Variants in NAALADL2 observed in about 807,000 individuals in gnomAD.
NAALADL2 encodes the protein N-acetylated alpha-linked acidic dipeptidase like 2, also known as inactive N-acetylated-alpha-linked acidic dipeptidase-like protein 2.
A neutral mutation model predicts 87.2 loss-of-function variants in NAALADL2; 76 were observed. The observed-to-expected ratio is 0.87, with a 90% confidence interval of 0.72 to 1.05. The LOEUF (loss-of-function observed/expected upper bound fraction) is 1.05, where lower values mean the gene tolerates loss of function less well. Ranked by LOEUF, NAALADL2 falls within the 50% of genes least tolerant of loss-of-function variation. The probability of loss-of-function intolerance (pLI) is 0.00; values close to 1 mark genes in which losing one functional copy is unlikely to be tolerated. For synonymous variants in NAALADL2, 354 were observed against 331.0 expected (o/e 1.07, Z -0.75); for missense variants, 1,089 against 945.8 (o/e 1.15, Z -1.99).
intron 1 of NAALADL2, among the ~76,000 whole-genome samples, chr3:175,046,893 T>C (rs886848319): frequency 2.2e-4 from 34 of 151,976 alleles, no homozygotes; most frequent in Admixed American, 2.1e-3. Flanking sequence ...TACCATAGAG[T>C]GAGTATCACA....
intron 9 of NAALADL2, among the ~76,000 whole-genome samples, chr3:175,524,918 T>C (rs116469444): frequency 0.015 from 2,275 of 152,158 alleles, 47 homozygotes; most frequent in African/African-American, 0.051. Flanking sequence ...CTAATAATGA[T>C]AGAGAAATAT....
intron 2 of NAALADL2, among the ~76,000 whole-genome samples, chr3:175,219,034 A>G (rs1444644157): frequency 6.6e-6 from 1 of 151,992 alleles, no homozygotes; most frequent in African/African-American, 2.4e-5. Context: ...TATACATTTT[A>G]TTACTAACAG....
At chr3:174,818,543 A>G (rs532547715) in intron 3 of NAALADL2, among the ~76,000 whole-genome samples, 1 of 152,306 alleles carries the variant, frequency 6.6e-6, no homozygotes, top group Admixed American at 6.5e-5. Flanking sequence ...CTTAACATAA[A>G]GTAAAACACA....
chr3:174,575,631 T>A (rs1037276831), intron 2 of NAALADL2, among the ~76,000 whole-genome samples: 1 of 152,188 alleles, frequency 6.6e-6, no homozygotes, highest in African/African-American at 2.4e-5. Flanking sequence ...TTAAGGAATA[T>A]TCCATTGTGA....
intron 3 of NAALADL2, among the ~76,000 whole-genome samples, chr3:174,762,155 G>A (rs1309799131): frequency 6.7e-6 from 1 of 149,286 alleles, no homozygotes; most frequent in Non-Finnish European, 1.5e-5. Context: ...TTTTCTATAC[G>A]TTTTCTTGCT....
At position 174,885,242 on chromosome 3, in the gene NAALADL2, G is replaced by A. The variant is rs181818924; in HGVS notation, c.43+25792G>A. 1.5e-3 allele frequency among the ~76,000 whole-genome samples: 227 copies of A among 152,242 alleles called. 1 individual carries two copies. The highest frequency in any genetic ancestry group is 7.0e-3 in the Admixed American group (107 of 15,294). ...ACCTTTCATTGCAGGTCGGCCACTC[G>A]CATGATAAGATCTTGTGTCTGTTTT... On this transcript the variant is annotated intron_variant, in intron 1 of 13. Coordinates refer to ENST00000454872, the MANE Select transcript of NAALADL2 (RefSeq NM_207015.3).
chr3:174,864,596 T>G (rs773142435), intron 1 of NAALADL2, among the ~76,000 whole-genome samples: 6 of 145,268 alleles, frequency 4.1e-5, no homozygotes, highest in Non-Finnish European at 8.9e-5. Flanking sequence ...TGTTTATACG[T>G]TATTATTAAT....
At chr3:175,035,122 G>T (rs1256451537) in intron 1 of NAALADL2, among the ~76,000 whole-genome samples, 1 of 152,128 alleles carries the variant, frequency 6.6e-6, no homozygotes, top group African/African-American at 2.4e-5. Flanking sequence ...TTTATAACTT[G>T]CCATACTCAA....
At chr3:175,512,565 G>T (rs903947823) in intron 9 of NAALADL2, among the ~76,000 whole-genome samples, 124 of 152,192 alleles carry the variant, frequency 8.1e-4, no homozygotes, top group African/African-American at 2.9e-3. Context: ...AAAACTTCAG[G>T]TGATAACAGA....
intron 2 of NAALADL2, among the ~76,000 whole-genome samples, chr3:175,152,716 G>A (rs1188415329): frequency 6.6e-6 from 1 of 152,074 alleles, no homozygotes; most frequent in Non-Finnish European, 1.5e-5. Context: ...GACCAGCCTG[G>A]CCAACATGGT....
At chr3:175,289,433 A>G (rs1027791505) in intron 4 of NAALADL2, among the ~76,000 whole-genome samples, 6 of 152,254 alleles carry the variant, frequency 3.9e-5, no homozygotes, top group East Asian at 1.9e-4. Flanking sequence ...AAAGGTGCCA[A>G]AAAGAGAGAA....
chr3:175,392,665 C>T (rs1769221995), intron 5 of NAALADL2, among the ~76,000 whole-genome samples: 1 of 152,184 alleles, frequency 6.6e-6, no homozygotes, highest in South Asian at 2.1e-4. Context: ...TTTCCTAAAA[C>T]GGTGCACCTG....
At chr3:174,992,869 G>A (rs1746924475) in intron 1 of NAALADL2, among the ~76,000 whole-genome samples, 1 of 152,144 alleles carries the variant, frequency 6.6e-6, no homozygotes, top group African/African-American at 2.4e-5. Context: ...ACAGAACTGT[G>A]TGAATAACAG....
rs1001240127 is a variant in NAALADL2, at chr3:175,190,759, G to A, written c.546-43172G>A. Reference sequence around the variant, plus strand: ...TGGGAGGCCTAGGCAGGTGGATCACGAGGTCAGGAGATCGAGACCATCCTG... The same window carrying A: ...TGGGAGGCCTAGGCAGGTGGATCACAAGGTCAGGAGATCGAGACCATCCTG... On this transcript the variant is annotated intron_variant, in intron 2 of 13. Coordinates refer to ENST00000454872, the MANE Select transcript of NAALADL2 (RefSeq NM_207015.3). Among the ~76,000 whole-genome samples the A allele has an allele frequency of 9.2e-5, 14 of 152,024 alleles. No individual in the cohort carries two copies. The East Asian group carries it at 2.7e-3, about 29-fold the overall frequency.
chr3:175,746,966 A>T (rs1022595832), intron 12 of NAALADL2, among the ~76,000 whole-genome samples: 11 of 152,280 alleles, frequency 7.2e-5, no homozygotes, highest in African/African-American at 2.6e-4. Flanking sequence ...CCTCTAACAC[A>T]CTTTAGATCA....
In NAALADL2 at chr3:175,676,032, C is replaced by T. The variant is rs147986135; in HGVS notation, c.1896+48646C>T. 8.9e-4 allele frequency: 135 copies of T among 152,196 alleles called. 1 individual carries two copies. The highest frequency in any genetic ancestry group is 3.1e-3 in the African/African-American group (129 of 41,542). The allele number at this position is 152,196 out of a possible 1,614,324, so 9.4% of individuals were successfully genotyped here. A position where few individuals can be genotyped will look rare whatever the true frequency, so the allele number is the denominator to read the frequency against. ...TTAGAGTGTGCCCATCAATGTCTTA[C>T]ATGATACATAATCTTAGGCAGGTAA... is the stretch of plus-strand genomic sequence containing the variant. On this transcript the variant is annotated intron_variant, in intron 11 of 13. Coordinates refer to ENST00000454872, the MANE Select transcript of NAALADL2 (RefSeq NM_207015.3).
chr3:174,995,626 G>T (rs929093247), intron 1 of NAALADL2, among the ~76,000 whole-genome samples: 5 of 152,046 alleles, frequency 3.3e-5, no homozygotes, highest in Non-Finnish European at 7.4e-5. Context: ...TAACGGAATT[G>T]TTCATAGTGC....
intron 5 of NAALADL2, among the ~76,000 whole-genome samples, chr3:175,387,585 A>T (rs1421789573): frequency 6.6e-6 from 1 of 152,124 alleles, no homozygotes; most frequent in South Asian, 2.1e-4. Flanking sequence ...AAGGTGATTC[A>T]AAATGTTAAA....
At chr3:174,774,631 A>G (rs971245591) in intron 3 of NAALADL2, among the ~76,000 whole-genome samples, 2 of 152,082 alleles carry the variant, frequency 1.3e-5, no homozygotes, top group African/African-American at 4.8e-5. Flanking sequence ...TAGCAGACCC[A>G]TGGGGAGTTT....
Sources: allele counts gnomAD v4.1 joint callset (sites outside exome capture counted in the v4.1 genomes callset), GRCh38; gene constraint gnomAD v4.1.1; transcripts MANE v1.5; gene names NCBI Gene and HGNC (gene_info 2026-07-23, HGNC 2026-07-21).